The following MITF variants were observed in gnomAD, a reference collection of about 807,000 sequenced individuals.
MITF encodes the protein microphthalmia-associated transcription factor.
MITF carries 17 observed loss-of-function variants against 60.5 expected under a neutral mutation model. That is an observed-to-expected ratio of 0.28 (90% confidence interval 0.19 to 0.42). The LOEUF (loss-of-function observed/expected upper bound fraction) is 0.42, where lower values mean the gene tolerates loss of function less well. Among genes scored for constraint, MITF ranks in the 10% least tolerant of loss-of-function variants. The pLI is 1.00. For synonymous variants in MITF, 260 were observed against 248.5 expected (o/e 1.05, Z -0.43); for missense variants, 622 against 683.5 (o/e 0.91, Z 1.00).
At position 69,797,122 on chromosome 3, in the gene MITF, A is replaced by G. The variant is rs561296259; in HGVS notation, c.104+57421A>G. Among the ~76,000 whole-genome samples, 4 of 152,264 alleles carry G rather than the reference A, an allele frequency of 2.6e-5. No homozygotes were observed. The South Asian group carries it at 6.2e-4, about 24-fold the overall frequency. On this transcript the variant is annotated intron_variant, in intron 1 of 9. Coordinates refer to ENST00000352241, the MANE Select transcript of MITF (RefSeq NM_001354604.2). ...TATCATAATTTAGTCCAGAGGGTAT[A>G]CCTCTAATTCGCTCCCTTCAAGCCA... is the stretch of plus-strand genomic sequence containing the variant.
Position 69,941,092 on chromosome 3 carries a change from T to G in MITF, c.667-144T>G, listed in dbSNP as rs2065957833. On this transcript the variant is annotated intron_variant, in intron 4 of 9. Coordinates refer to ENST00000352241, the MANE Select transcript of MITF (RefSeq NM_001354604.2). ...TACTATTTTATACTTCAATACTATT[T>G]TAGTGGAAAGAGGACAGTTACTTCT... The G allele has an allele frequency of 4.9e-6, 3 of 617,378 alleles. No individual in the cohort carries two copies. In the South Asian group the frequency reaches 5.9e-5, roughly 12 times the overall value. 38.2% of individuals were successfully genotyped at this position (617,378 alleles called of 1,614,324 possible).
At chr3:69,863,781 T>C in intron 1 of MITF, among the ~76,000 whole-genome samples, 1 of 152,182 alleles carries the variant, frequency 6.6e-6, no homozygotes, top group East Asian at 1.9e-4. Context: ...GGGCTGGTCT[T>C]GAACTCCTGG....
chr3:69,795,493 A>G (rs2062812873), intron 1 of MITF, among the ~76,000 whole-genome samples: 1 of 152,168 alleles, frequency 6.6e-6, no homozygotes, highest in Non-Finnish European at 1.5e-5. Context: ...TGGGAGGCCG[A>G]GGTGGGAGGA....
intron 3 of MITF, chr3:69,938,715 G>T: frequency 7.7e-7 from 1 of 1,306,980 alleles, no homozygotes; most frequent in East Asian, 3.2e-5. Context: ...ATACCTGAGA[G>T]CTGTGATTTA....
chr3:69,801,056 C>CTTT lies in MITF; in HGVS notation c.104+61369_104+61371dup, dbSNP rs74944767. Among the ~76,000 whole-genome samples, 72 of 140,864 alleles carry CTTT rather than the reference C, an allele frequency of 5.1e-4. No homozygotes were observed. The East Asian group carries it at 5.2e-3, about 10-fold the overall frequency. 92.4% of individuals were successfully genotyped at this position (140,864 alleles called of 152,430 possible). A position where few individuals can be genotyped will look rare whatever the true frequency, so the allele number is the denominator to read the frequency against. ...ATGGTTTGTTGTTTTCCTTGTGTAA[C>CTTT]TTTTTTTTTTTTTTTTACCTTGAAA... On this transcript the variant is annotated intron_variant, in intron 1 of 9. Transcript: ENST00000352241.
In MITF at chr3:69,949,177, C is replaced by G. The variant is rs181810413; in HGVS notation, c.880+9C>G. 4,770 of 1,578,934 alleles carry G rather than the reference C, an allele frequency of 3.0e-3. 4 individuals are homozygous for G. The highest frequency in any genetic ancestry group is 3.7e-3 in the Non-Finnish European group (4,293 of 1,148,006). On this transcript the variant is annotated intron_variant, in intron 6 of 9. Coordinates refer to ENST00000352241, the MANE Select transcript of MITF (RefSeq NM_001354604.2). Reference sequence around the variant, plus strand: ...AAAAAGGGAGCTCACAGGTAAACACCTAGTAAATGTGCCTCTTACTGCAGA... The same window carrying G: ...AAAAAGGGAGCTCACAGGTAAACACGTAGTAAATGTGCCTCTTACTGCAGA...
chr3:69,747,533 T>G (rs187108674), intron 1 of MITF, among the ~76,000 whole-genome samples: 1 of 152,348 alleles, frequency 6.6e-6, no homozygotes, highest in East Asian at 1.9e-4. Flanking sequence ...AGGTAATGTA[T>G]GTAAAGCAGC....
chr3:69,963,227 G>GA (rs1197309985), intron 9 of MITF, among the ~76,000 whole-genome samples: 2 of 152,068 alleles, frequency 1.3e-5, no homozygotes, highest in Non-Finnish European at 2.9e-5. Flanking sequence ...GGAAGGAAAG[G>GA]AAAAAAATTG....
intron 1 of MITF, among the ~76,000 whole-genome samples, chr3:69,849,636 T>C (rs2063792051): frequency 6.6e-6 from 1 of 152,164 alleles, no homozygotes; most frequent in Non-Finnish European, 1.5e-5. Context: ...TGGGAAGAGC[T>C]TGGAATTGAG....
chr3:69,938,233 G>A (rs1262747091), intron 3 of MITF, 184 bp downstream of exon 3: 6 of 1,122,360 alleles, frequency 5.3e-6, no homozygotes, highest in Non-Finnish European at 7.9e-6. Flanking sequence ...GGGTTATTGG[G>A]TGTAGAGCAC....
At chr3:69,825,568 G>A (rs752419054) in intron 1 of MITF, among the ~76,000 whole-genome samples, 1 of 152,194 alleles carries the variant, frequency 6.6e-6, no homozygotes, top group Non-Finnish European at 1.5e-5. Context: ...TTGATTAAGA[G>A]TGCATGTCAA....
chr3:69,959,197 T>C, intron 8 of MITF, 76 bp from the exon 9 acceptor site: 3 of 1,540,258 alleles, frequency 1.9e-6, no homozygotes, highest in Non-Finnish European at 2.7e-6. Context: ...CAAAAAGAAA[T>C]GGAGTGCTTT....
chr3:69,757,394 T>C (rs1704191020), intron 1 of MITF, among the ~76,000 whole-genome samples: 1 of 152,208 alleles, frequency 6.6e-6, no homozygotes, highest in African/African-American at 2.4e-5. Flanking sequence ...AATTCTCCTC[T>C]TTCTGTGATT....
At chr3:69,804,149 C>T (rs2062967245) in intron 1 of MITF, among the ~76,000 whole-genome samples, 1 of 152,176 alleles carries the variant, frequency 6.6e-6, no homozygotes, top group African/African-American at 2.4e-5. Context: ...CATGGGACAG[C>T]CAACTCTGTG....
At chr3:69,751,553 ATTTT>A (rs35447609) in intron 1 of MITF, among the ~76,000 whole-genome samples, 2 of 122,832 alleles carry the variant, frequency 1.6e-5, no homozygotes, top group Non-Finnish European at 3.5e-5. Context: ...AAGCATTTTG[ATTTT>A]TTTTTTTTTT....
intron 1 of MITF, among the ~76,000 whole-genome samples, chr3:69,806,444 G>A (rs2063009997): frequency 6.6e-6 from 1 of 152,084 alleles, no homozygotes; most frequent in African/African-American, 2.4e-5. Context: ...ATTTGATAAT[G>A]AGAAAGGTTT....
intron 1 of MITF, among the ~76,000 whole-genome samples, chr3:69,866,908 A>AT (rs530292064): frequency 1.5e-3 from 199 of 135,684 alleles, no homozygotes; most frequent in African/African-American, 5.3e-3. Flanking sequence ...TTGTATATTG[A>AT]TTTTTTTCTC....
At chr3:69,777,323 A>G (rs956327551) in intron 1 of MITF, among the ~76,000 whole-genome samples, 7 of 152,238 alleles carry the variant, frequency 4.6e-5, no homozygotes, top group Non-Finnish European at 8.8e-5. Context: ...CTGGAAATGA[A>G]TAAGTCCTGA....
chr3:69,840,446 C>T (rs897586626), intron 1 of MITF, among the ~76,000 whole-genome samples: 1 of 152,238 alleles, frequency 6.6e-6, no homozygotes, highest in African/African-American at 2.4e-5. Flanking sequence ...AAGACAATTG[C>T]TCCTTTCAAT....
Sources: gnomAD v4.1 joint callset for allele counts (sites outside exome capture counted in the v4.1 genomes callset) on GRCh38, gnomAD v4.1.1 for gene constraint, MANE v1.5 for transcripts, NCBI Gene and HGNC (gene_info 2026-07-23, HGNC 2026-07-21) for gene names.